The following GRK7 variants were observed in gnomAD, a reference collection of about 807,000 sequenced individuals.
GRK7 encodes G protein-coupled receptor kinase 7, also known as rhodopsin kinase GRK7.
GRK7 carries 24 observed loss-of-function variants against 34.1 expected under a neutral mutation model. The ratio of observed to expected loss-of-function variants is 0.70; its 90% confidence interval spans 0.51 to 0.99. The LOEUF (loss-of-function observed/expected upper bound fraction) is 0.99. Among genes scored for constraint, GRK7 ranks in the 50% least tolerant of loss-of-function variants. The pLI is 0.00. For synonymous variants in GRK7, 256 were observed against 279.4 expected, an observed-to-expected ratio of 0.92 and a Z score of 0.84; for missense variants, 644 against 707.3, an observed-to-expected ratio of 0.91 and a Z score of 1.02.
In GRK7 at chr3:141,790,362, A is replaced by G. The variant is rs1023689648; in HGVS notation, c.1050+9551A>G. Among the ~76,000 whole-genome samples, 6 of 152,172 alleles carry G rather than the reference A, an allele frequency of 3.9e-5. 1 individual carries two copies. Among genetic ancestry groups the G allele is most frequent in the Non-Finnish European group, 8.8e-5 (6 of 68,026 alleles). On this transcript the variant is annotated intron_variant, in intron 4 of 5. Coordinates refer to ENST00000682958, the MANE Select transcript of GRK7 (RefSeq NM_139209.3). Reference sequence around the variant, plus strand: ...AGTAAGACTCAGACAGAATAAGTGCATGTGATGACATTAGCATATCTTCCC... The same window carrying G: ...AGTAAGACTCAGACAGAATAAGTGCGTGTGATGACATTAGCATATCTTCCC...
In GRK7 at chr3:141,765,160, T is replaced by C. The variant is rs1255756760; in HGVS notation, c.-793T>C. ...TGCTCTGTTTCCTCTCTGAGGACAT[T>C]TCCTGCTGCGGGCCCCTCACTCTGG... On this transcript the variant is annotated 5_prime_UTR_variant, in exon 1 of 6. Transcript: ENST00000682958. 6.6e-6 allele frequency among the ~76,000 whole-genome samples: 1 copy of C among 152,190 alleles called. No homozygotes were observed. The highest frequency in any genetic ancestry group is 1.5e-5 in the Non-Finnish European group (1 of 68,036).
chr3:141,813,546 A>G (rs1711118313), intron 5 of GRK7, among the ~76,000 whole-genome samples: 1 of 152,196 alleles, frequency 6.6e-6, no homozygotes, highest in Non-Finnish European at 1.5e-5. Flanking sequence ...GCAAGCCTGC[A>G]TTTTCTTTCT....
chr3:141,794,454 G>A (rs2084739903), intron 4 of GRK7, among the ~76,000 whole-genome samples: 1 of 152,214 alleles, frequency 6.6e-6, no homozygotes, highest in South Asian at 2.1e-4. Context: ...AGGAAGCCAG[G>A]AAATGAAAAG....
Position 141,817,082 on chromosome 3 carries a change from T to A in GRK7, c.*32T>A. On this transcript the variant is annotated 3_prime_UTR_variant, in exon 6 of 6. Transcript: ENST00000682958. ...CTCTTTACCAGACAGGCAGCAGGAG[T>A]CTCGGCTGACATAATCCTCGAATGT... 6.7e-7 allele frequency: 1 copy of A among 1,491,322 alleles called. No homozygotes were observed. Among genetic ancestry groups the A allele is most frequent in the Non-Finnish European group, 9.1e-7 (1 of 1,104,792 alleles). The allele number at this position is 1,491,322 out of a possible 1,614,324, so 92.4% of individuals were successfully genotyped here. A position where few individuals can be genotyped will look rare whatever the true frequency, so the allele number is the denominator to read the frequency against.
At chr3:141,772,701 G>A (rs1259068364) in intron 1 of GRK7, among the ~76,000 whole-genome samples, 1 of 152,174 alleles carries the variant, frequency 6.6e-6, no homozygotes, top group Non-Finnish European at 1.5e-5. Context: ...AAAGGGTAAT[G>A]AAAGACCTGG....
At chr3:141,773,380 A>G (rs2084625391) in intron 1 of GRK7, among the ~76,000 whole-genome samples, 1 of 152,058 alleles carries the variant, frequency 6.6e-6, no homozygotes, top group Non-Finnish European at 1.5e-5. Flanking sequence ...CTAGATGTGC[A>G]TGGGACACAG....
chr3:141,807,938 G>C lies in GRK7; in HGVS notation c.1325+19G>C, dbSNP rs774394310. 4 of 1,554,998 alleles carry C rather than the reference G, an allele frequency of 2.6e-6. No homozygotes were observed. The highest frequency in any genetic ancestry group is 3.5e-6 in the Non-Finnish European group (4 of 1,151,014). ...GAAGCAGGTAAACTAGCATGTAACA[G>C]AGAGGATTGCTGACACCAGTATTGT... On this transcript the variant is annotated intron_variant, in intron 5 of 5. Transcript: ENST00000682958.
Position 141,778,950 on chromosome 3 carries a change from G to T in GRK7, c.612+54G>T. On this transcript the variant is annotated intron_variant, in intron 3 of 5. Transcript: ENST00000682958. This position sits in a 1 kb window ranked among gnomAD's most constrained non-coding sequence, Gnocchi z 4.1. Reference sequence around the variant, plus strand: ...AGGTGAAGCATAGAGCATGAAAGGGGGTAATGTTGCCTTTCTTTTTTTAAA... The same window carrying T: ...AGGTGAAGCATAGAGCATGAAAGGGTGTAATGTTGCCTTTCTTTTTTTAAA... 1 of 1,488,788 alleles carries T rather than the reference G, an allele frequency of 6.7e-7. No homozygotes were observed. The highest frequency in any genetic ancestry group is 1.3e-5 in the South Asian group (1 of 75,744). The allele number at this position is 1,488,788 out of a possible 1,614,324, so 92.2% of individuals were successfully genotyped here.
chr3:141,751,767 A>T, the GRK7 span, among the ~76,000 whole-genome samples: 1 of 152,252 alleles, frequency 6.6e-6, no homozygotes, highest in Non-Finnish European at 1.5e-5. Flanking sequence ...ATTCAGTCCC[A>T]TGGTTATACT....
the GRK7 span, among the ~76,000 whole-genome samples, chr3:141,757,074 A>T: frequency 4.1e-4 from 62 of 151,338 alleles, no homozygotes; most frequent in Non-Finnish European, 4.0e-4. Flanking sequence ...GTAGCCTGAA[A>T]TTCCTCACTG....
chr3:141,802,727 C>A (rs1465304736), intron 4 of GRK7, among the ~76,000 whole-genome samples: 1 of 152,140 alleles, frequency 6.6e-6, no homozygotes, highest in Non-Finnish European at 1.5e-5. Flanking sequence ...ATTTCCTGGG[C>A]AGCTGCTAAT....
intron 4 of GRK7, among the ~76,000 whole-genome samples, chr3:141,782,109 G>A (rs186439573): frequency 3.9e-5 from 6 of 152,120 alleles, no homozygotes; most frequent in African/African-American, 1.4e-4. Context: ...AGGGGAAGAG[G>A]GGTTCTTGAA....
At chr3:141,786,465 G>A (rs2084696557) in intron 4 of GRK7, among the ~76,000 whole-genome samples, 1 of 152,102 alleles carries the variant, frequency 6.6e-6, no homozygotes, top group South Asian at 2.1e-4. Context: ...AGGGCAAAAG[G>A]GACTTCAGAG....
chr3:141,778,279 T>C lies in GRK7; in HGVS notation c.-6T>C. 6.4e-7 allele frequency: 1 copy of C among 1,551,174 alleles called. No individual in the cohort carries two copies. Among genetic ancestry groups the C allele is most frequent in the Non-Finnish European group, 8.7e-7 (1 of 1,147,292 alleles). On this transcript the variant is annotated 5_prime_UTR_variant, in exon 3 of 6. Coordinates refer to ENST00000682958, the MANE Select transcript of GRK7 (RefSeq NM_139209.3). This position sits in a 1 kb window ranked among gnomAD's most constrained non-coding sequence, Gnocchi z 4.1. ...CTTTCCCTGGGAGTGCGCCCCGTGC[T>C]CAGCCATGGTGGACATGGGGGCCCT...
intron 4 of GRK7, among the ~76,000 whole-genome samples, chr3:141,800,749 A>G (rs1433573590): frequency 6.6e-6 from 1 of 152,230 alleles, no homozygotes; most frequent in Non-Finnish European, 1.5e-5. Context: ...ACTAATCTAT[A>G]GTAACAGAAA....
At chr3:141,773,369 A>G (rs1279337447) in intron 1 of GRK7, among the ~76,000 whole-genome samples, 2 of 151,944 alleles carry the variant, frequency 1.3e-5, no homozygotes, top group East Asian at 1.9e-4. Flanking sequence ...GCTGCTCTAT[A>G]CTAGATGTGC....
Position 141,807,646 on chromosome 3 carries a change from C to A in GRK7, c.1052C>A (p.Ala351Asp), listed in dbSNP as rs746791533. The change falls in exon 5 of 6, where the codon GCT becomes GAT. Residue 351 changes from alanine to aspartate, a missense_variant and splice_region_variant. By Grantham distance (126) the Ala-to-Asp change is moderately radical. Transcript: ENST00000682958. ...TGTTTTTTGTTTGGGATGTTACAGG[C>A]TGGAACCAATGGTTACATGGCTCCT... ...MKGGKPITQR[A>D]GTNGYMAPEI... 16 of 1,613,580 alleles carry A rather than the reference C, an allele frequency of 9.9e-6. No individual in the cohort carries two copies. The Admixed American group carries it at 2.7e-4, about 27-fold the overall frequency.
At chr3:141,801,538 TTAA>T (rs1156672298) in intron 4 of GRK7, among the ~76,000 whole-genome samples, 1 of 152,042 alleles carries the variant, frequency 6.6e-6, no homozygotes, top group Non-Finnish European at 1.5e-5. Flanking sequence ...AAACAAAAGT[TTAA>T]TGATTGTTTA....
chr3:141,793,947 C>G (rs757504080), intron 4 of GRK7, among the ~76,000 whole-genome samples: 2 of 152,176 alleles, frequency 1.3e-5, no homozygotes, highest in African/African-American at 4.8e-5. Flanking sequence ...AGTAGAGACC[C>G]TCACAGACAC....
Sources: gnomAD v4.1 joint callset for allele counts (sites outside exome capture counted in the v4.1 genomes callset) on GRCh38, gnomAD v4.1.1 for gene constraint, Gnocchi (gnomAD v3.1) non-coding constraint, MANE v1.5 for transcripts, NCBI Gene and HGNC (gene_info 2026-07-23, HGNC 2026-07-21) for gene names.